SYBU: variants seen among roughly 807,000 people sequenced by gnomAD.
The protein encoded by SYBU is GOLSYN A protein.
A neutral mutation model predicts 35.9 loss-of-function variants in SYBU; 21 were observed. That is an observed-to-expected ratio of 0.58 (90% CI 0.41 to 0.84). The LOEUF (loss-of-function observed/expected upper bound fraction) is 0.84. Ranked by LOEUF, SYBU falls within the 40% of genes least tolerant of loss-of-function variation. SYBU has a pLI of 0.00. For synonymous variants in SYBU, 319 were observed against 324.3 expected (o/e 0.98, Z 0.18); for missense variants, 768 against 848.2 (o/e 0.91, Z 1.17).
At chr8:109,587,564 T>C (rs1382096423) in intron 3 of SYBU, among the ~76,000 whole-genome samples, 1 of 152,194 alleles carries the variant, frequency 6.6e-6, no homozygotes, top group Admixed American at 6.5e-5. Context: ...AAGGTCAACA[T>C]GAACCATAGG....
At chr8:109,669,521 T>G (rs13258482) in intron 1 of SYBU, among the ~76,000 whole-genome samples, 1,886 of 152,270 alleles carry the variant, frequency 0.012, 14 homozygotes, top group Non-Finnish European at 0.02. Flanking sequence ...CATTTCTGAT[T>G]TAGTCCTATG....
At chr8:109,583,904 G>A (rs1823322606) in intron 4 of SYBU, among the ~76,000 whole-genome samples, 1 of 152,066 alleles carries the variant, frequency 6.6e-6, no homozygotes, top group Non-Finnish European at 1.5e-5. Flanking sequence ...CGCCTCTCAG[G>A]TTCAAGCAAT....
At chr8:109,678,496 A>G (rs1279561670) in intron 1 of SYBU, among the ~76,000 whole-genome samples, 1 of 131,762 alleles carries the variant, frequency 7.6e-6, no homozygotes, top group Non-Finnish European at 1.5e-5. Context: ...GCTGGAATGC[A>G]GTGGCGTGAT....
intron 1 of SYBU, among the ~76,000 whole-genome samples, chr8:109,676,774 A>G (rs1817206221): frequency 6.6e-6 from 1 of 152,236 alleles, no homozygotes; most frequent in South Asian, 2.1e-4. Flanking sequence ...CAGAAGTTGT[A>G]TGATTAAAAA....
At chr8:109,580,978 T>C (rs141111667) in intron 4 of SYBU, 1 of 152,452 alleles carries the variant, frequency 6.6e-6, no homozygotes, top group African/African-American at 2.4e-5. Context: ...AGCCCCTGGA[T>C]ACCAGGATAC....
At chr8:109,615,424 G>A (rs866823832) in intron 3 of SYBU, among the ~76,000 whole-genome samples, 4 of 152,126 alleles carry the variant, frequency 2.6e-5, no homozygotes, top group Non-Finnish European at 2.9e-5. Context: ...CAGGGGCCTC[G>A]CTTCCAGGAT....
At chr8:109,582,932 G>A (rs928118346) in intron 4 of SYBU, among the ~76,000 whole-genome samples, 1 of 152,172 alleles carries the variant, frequency 6.6e-6, no homozygotes, top group Non-Finnish European at 1.5e-5. Flanking sequence ...AGCCTCAGAA[G>A]AAGCCAACCC....
At position 109,675,612 on chromosome 8, in the gene SYBU, C is replaced by T. The variant is rs558040514; in HGVS notation, c.-129+5099G>A. Among the ~76,000 whole-genome samples the T allele has an allele frequency of 8.9e-4, 136 of 152,222 alleles. 1 individual carries two copies. The highest frequency in any genetic ancestry group is 2.9e-3 in the African/African-American group (122 of 41,538). ...GGAAGAATTTGAATCCTTGAATAGA[C>T]CAATAACAAGTTCTGAAATTGAGGC... On this transcript the variant is annotated intron_variant, in intron 1 of 5. Coordinates refer to the SYBU transcript ENST00000408889.
chr8:109,636,877 G>A (rs1814287346), intron 2 of SYBU, among the ~76,000 whole-genome samples: 1 of 152,074 alleles, frequency 6.6e-6, no homozygotes. Context: ...TAATGACATG[G>A]GACCAGTAAA....
intron 3 of SYBU, among the ~76,000 whole-genome samples, chr8:109,591,912 T>A (rs1177388982): frequency 1.3e-5 from 2 of 152,042 alleles, no homozygotes; most frequent in African/African-American, 4.8e-5. Flanking sequence ...TGGGTTTGAA[T>A]CTTGGCTCCT....
At chr8:109,643,147 G>T in intron 1 of SYBU, 5 of 1,141,516 alleles carry the variant, frequency 4.4e-6, no homozygotes, top group African/African-American at 3.3e-5. Flanking sequence ...TGTCTGTGTG[G>T]CACACACACA....
In SYBU at chr8:109,629,175, C is replaced by T. The variant is rs950905581; in HGVS notation, c.230-10136G>A. On this transcript the variant is annotated intron_variant, in intron 2 of 6. Coordinates refer to ENST00000276646, the MANE Select transcript of SYBU (RefSeq NM_001099754.2). ...AAGAATTTTAGGTCAGGAATCTTGA[C>T]GTTTATTGGAAGTGCAACAGAAACT... 8.5e-5 allele frequency among the ~76,000 whole-genome samples: 13 copies of T among 152,234 alleles called. No homozygotes were observed. The East Asian group carries it at 1.5e-3, about 18-fold the overall frequency.
At chr8:109,652,219 G>T (rs1203441520) in intron 1 of SYBU, among the ~76,000 whole-genome samples, 1 of 152,208 alleles carries the variant, frequency 6.6e-6, no homozygotes, top group Non-Finnish European at 1.5e-5. Context: ...TTAGACTGGG[G>T]TCTGAGATGT....
chr8:109,603,892 G>T (rs934816764), intron 3 of SYBU, among the ~76,000 whole-genome samples: 3 of 152,252 alleles, frequency 2.0e-5, no homozygotes, highest in Admixed American at 6.5e-5. Context: ...AGCTTCCCTG[G>T]TGGTAAATCT....
chr8:109,658,455 T>C (rs1816436995), intron 1 of SYBU, among the ~76,000 whole-genome samples: 1 of 152,186 alleles, frequency 6.6e-6, no homozygotes, highest in African/African-American at 2.4e-5. Context: ...GTGGCAAAAA[T>C]GTAAACAAAG....
intron 1 of SYBU, among the ~76,000 whole-genome samples, chr8:109,664,908 G>A (rs151159491): frequency 2.3e-4 from 35 of 152,172 alleles, no homozygotes; most frequent in African/African-American, 8.4e-4. Flanking sequence ...GGGGAAATGG[G>A]GCTTTAACAC....
At chr8:109,614,039 A>T (rs549714905) in intron 3 of SYBU, among the ~76,000 whole-genome samples, 1 of 152,342 alleles carries the variant, frequency 6.6e-6, no homozygotes, top group East Asian at 1.9e-4. Flanking sequence ...TTAACATTTC[A>T]GTTTCTAAAT....
At chr8:109,683,162 C>T (rs1352744101), upstream of SYBU, among the ~76,000 whole-genome samples, 1 of 152,178 alleles carries the variant, frequency 6.6e-6, no homozygotes, top group Non-Finnish European at 1.5e-5. Flanking sequence ...AGAAGAGGGC[C>T]ACTGTCCTCA....
intron 1 of SYBU, among the ~76,000 whole-genome samples, chr8:109,655,765 C>T (rs780124428): frequency 9.2e-5 from 14 of 152,110 alleles, no homozygotes; most frequent in Admixed American, 3.9e-4. Context: ...CATATAGTTG[C>T]GTTGCTGTAT....
Sources: allele counts gnomAD v4.1 joint callset (sites outside exome capture counted in the v4.1 genomes callset), GRCh38; gene constraint gnomAD v4.1.1; transcripts MANE v1.5; gene names NCBI Gene and HGNC (gene_info 2026-07-23, HGNC 2026-07-21).